Variants in CCDC57 observed in about 807,000 individuals in gnomAD.
CCDC57 encodes the protein coiled-coil domain containing 57.
CCDC57 carries 118 observed loss-of-function variants against 118.9 expected under a neutral mutation model. That is an observed-to-expected ratio of 0.99 (90% CI 0.86 to 1.16). The LOEUF is 1.16. Ranked by LOEUF, CCDC57 falls within the 50% of genes most tolerant of loss-of-function variation. The probability of loss-of-function intolerance (pLI) is 0.00; values close to 1 mark genes in which losing one functional copy is unlikely to be tolerated. For missense variants in CCDC57, 1,300 were observed against 1,320.7 expected (o/e 0.98, Z 0.24); for synonymous variants, 527 against 532.9 (o/e 0.99, Z 0.15).
In CCDC57 at chr17:82,172,849, C is replaced by T. The variant is rs778200990; in HGVS notation, c.1518G>A (p.Arg506=). ...CTTTACTTATTTCTTCTTCATGCTG[C>T]CTGAGAAGCATCTGTCAAATACAAG... The change falls in exon 12 of 20, where the codon AGG becomes AGA. Residue 506 remains arginine, a synonymous_variant. Coordinates refer to ENST00000665763, the Ensembl canonical transcript of CCDC57. This position sits in a 1 kb window ranked among gnomAD's most constrained non-coding sequence, Gnocchi z 5.2. The T allele has an allele frequency of 2.4e-5, 38 of 1,611,066 alleles. No homozygotes were observed. In the South Asian group the frequency reaches 3.5e-4, roughly 15 times the overall value.
chr17:82,136,748 A>C (rs1455155651), intron 16 of CCDC57, among the ~76,000 whole-genome samples: 2 of 151,280 alleles, frequency 1.3e-5, no homozygotes, highest in African/African-American at 4.9e-5. Flanking sequence ...CACCCAGCCA[A>C]GTTTTTTGTT....
intron 19 of CCDC57, among the ~76,000 whole-genome samples, chr17:82,121,816 G>A (rs937843010): frequency 7.2e-5 from 11 of 152,210 alleles, no homozygotes; most frequent in African/African-American, 1.4e-4. Flanking sequence ...TTAGTGAGGC[G>A]TGTCATTTTC....
chr17:82,132,842 C>T (rs1045420124), intron 17 of CCDC57, among the ~76,000 whole-genome samples: 1 of 149,192 alleles, frequency 6.7e-6, no homozygotes, highest in Non-Finnish European at 1.5e-5. Context: ...TCACTGCAGC[C>T]TCTGCCTCCT....
At chr17:82,114,603 C>A (rs1050049652) in intron 19 of CCDC57, among the ~76,000 whole-genome samples, 1 of 152,100 alleles carries the variant, frequency 6.6e-6, no homozygotes, top group Admixed American at 6.5e-5. Flanking sequence ...TGCAGGGCCA[C>A]AGTGACTAGG....
At chr17:82,121,040 C>T (rs972217275) in intron 19 of CCDC57, among the ~76,000 whole-genome samples, 1 of 152,168 alleles carries the variant, frequency 6.6e-6, no homozygotes. Flanking sequence ...CAGGGGTGAG[C>T]TACCGCGCCC....
chr17:82,137,552 G>T (rs34016823), intron 16 of CCDC57, among the ~76,000 whole-genome samples: 37,126 of 152,004 alleles, frequency 0.24, 5,298 homozygotes, highest in Non-Finnish European at 0.33. Flanking sequence ...TCACTTTCAC[G>T]TGGGTAGCTA....
chr17:82,135,057 G>C (rs1411029110), intron 16 of CCDC57: 3 of 152,164 alleles, frequency 2.0e-5, no homozygotes, highest in Non-Finnish European at 4.4e-5. Context: ...AAGGTTTTTG[G>C]AGGGTGTTTA....
At chr17:82,193,734 T>C in intron 7 of CCDC57, 22 bp downstream of exon 6, 1 of 1,576,530 alleles carries the variant, frequency 6.3e-7, no homozygotes, top group East Asian at 2.3e-5. Context: ...TGCTGCATGA[T>C]GTTGGGAGCC....
Position 82,157,950 on chromosome 17 carries a change from TA to T in CCDC57, c.2041-3del. ...CGGCTCCAGGGGTTCCCGCAGCACC[TA>T]GGGGTCATTTCAAAGGCAGTGTGAG... On this transcript the variant is annotated splice_region_variant and splice_polypyrimidine_tract_variant and intron_variant, in intron 14 of 19. Coordinates refer to ENST00000665763, the Ensembl canonical transcript of CCDC57. 6.4e-7 allele frequency: 1 copy of T among 1,551,834 alleles called. No homozygotes were observed.
intron 16 of CCDC57, among the ~76,000 whole-genome samples, chr17:82,148,002 G>T (rs1337112020): frequency 1.5e-4 from 16 of 104,422 alleles, no homozygotes; most frequent in African/African-American, 5.2e-4. Flanking sequence ...TGGGTGGATG[G>T]ATGGATGGAT....
chr17:82,189,020 A>G (rs2047325709), intron 7 of CCDC57, among the ~76,000 whole-genome samples: 1 of 152,234 alleles, frequency 6.6e-6, no homozygotes, highest in South Asian at 2.1e-4. Flanking sequence ...TAACCGAAGC[A>G]CTTTAGGAGG....
intron 11 of CCDC57, among the ~76,000 whole-genome samples, chr17:82,176,549 T>C (rs1275423251): frequency 1.3e-5 from 2 of 152,176 alleles, no homozygotes; most frequent in Non-Finnish European, 2.9e-5. Flanking sequence ...CCTGCTTCTT[T>C]ACTTGATTAC....
chr17:82,131,370 G>T (rs1036350266), intron 17 of CCDC57, among the ~76,000 whole-genome samples: 1 of 151,916 alleles, frequency 6.6e-6, no homozygotes, highest in Admixed American at 6.6e-5. Flanking sequence ...GGCAGAGGTT[G>T]CAGTGAGTCA....
At chr17:82,119,133 TG>T (rs2036321664) in intron 19 of CCDC57, among the ~76,000 whole-genome samples, 1 of 3,018 alleles carries the variant, frequency 3.3e-4, no homozygotes, top group Non-Finnish European at 6.4e-4. Context: ...GGGGTGGGGG[TG>T]GGGGTGGTGA....
At chr17:82,165,819 G>T (rs920861454) in intron 13 of CCDC57, among the ~76,000 whole-genome samples, 1 of 152,170 alleles carries the variant, frequency 6.6e-6, no homozygotes, top group Admixed American at 6.6e-5. Context: ...ATGGGCAGAG[G>T]AAAATAGCAT....
intron 9 of CCDC57, among the ~76,000 whole-genome samples, chr17:82,182,212 A>C (rs1481597467): frequency 6.6e-6 from 1 of 151,988 alleles, no homozygotes; most frequent in African/African-American, 2.4e-5. Context: ...ATACACAAGT[A>C]ATAGGTAAAT....
At chr17:82,157,527 AG>A in intron 15 of CCDC57, 1 of 1,422,972 alleles carries the variant, frequency 7.0e-7, no homozygotes, top group Non-Finnish European at 9.1e-7. Context: ...CGGGGCATCA[AG>A]GTGAAGGACC....
At chr17:82,148,899 G>C (rs1252563244) in intron 16 of CCDC57, among the ~76,000 whole-genome samples, 59 of 88,442 alleles carry the variant, frequency 6.7e-4, no homozygotes, top group Non-Finnish European at 9.4e-4. Flanking sequence ...TGGTTGGATG[G>C]ATGGATGGAT....
intron 1 of CCDC57, among the ~76,000 whole-genome samples, chr17:82,209,498 G>A (rs2050022165): frequency 6.6e-6 from 1 of 152,018 alleles, no homozygotes; most frequent in Admixed American, 6.6e-5. Flanking sequence ...TTTGTTGTTT[G>A]TTGAGATGGG....
Sources: gnomAD v4.1 joint callset for allele counts (sites outside exome capture counted in the v4.1 genomes callset) on GRCh38, gnomAD v4.1.1 for gene constraint, Gnocchi (gnomAD v3.1) non-coding constraint, MANE v1.5 for transcripts, NCBI Gene and HGNC (gene_info 2026-07-23, HGNC 2026-07-21) for gene names.